The following SORBS2 variants were observed in gnomAD, a reference collection of about 807,000 sequenced individuals.
SORBS2 encodes the protein sorbin and SH3 domain containing 2, also known as sorbin and SH3 domain-containing protein 2.
SORBS2 carries 46 observed loss-of-function variants against 97.7 expected under a neutral mutation model. The ratio of observed to expected loss-of-function variants is 0.47; its 90% confidence interval spans 0.37 to 0.60. SORBS2 has a LOEUF of 0.60. Ranked by LOEUF, SORBS2 falls within the 20% of genes least tolerant of loss-of-function variation. The pLI is 0.00. For missense variants in SORBS2, 1,316 were observed against 1,282.3 expected (o/e 1.03, Z -0.40); for synonymous variants, 476 against 473.4 (o/e 1.01, Z -0.07).
At chr4:185,596,459 C>A (rs2096090694) in intron 12 of SORBS2, among the ~76,000 whole-genome samples, 1 of 151,596 alleles carries the variant, frequency 6.6e-6, no homozygotes. Flanking sequence ...TGCAAACCTG[C>A]AGCTTCCTGG....
At chr4:185,938,072 T>C (rs1383500272) in intron 1 of SORBS2, among the ~76,000 whole-genome samples, 1 of 147,826 alleles carries the variant, frequency 6.8e-6, no homozygotes, top group Non-Finnish European at 1.5e-5. Flanking sequence ...TGCAGTGGCA[T>C]GATCTCGGCC....
chr4:185,636,284 A>T (rs7688977), intron 4 of SORBS2, among the ~76,000 whole-genome samples: 7,223 of 152,290 alleles, frequency 0.047, 583 homozygotes, highest in African/African-American at 0.16. Flanking sequence ...GAGAGAAAAC[A>T]TTCCTCCTAT....
chr4:185,651,659 T>A (rs2097315740), intron 2 of SORBS2, 125 bp downstream of exon 11: 1 of 704,832 alleles, frequency 1.4e-6, no homozygotes, highest in Non-Finnish European at 2.6e-6. Flanking sequence ...AGAAAAGAAA[T>A]CCTCCTCCTA....
intron 1 of SORBS2, among the ~76,000 whole-genome samples, chr4:185,781,192 C>T (rs1026583245): frequency 5.3e-5 from 8 of 152,176 alleles, no homozygotes; most frequent in African/African-American, 1.9e-4. Flanking sequence ...CTGCCTCAGC[C>T]TCCCAAAGTG....
intron 1 of SORBS2, among the ~76,000 whole-genome samples, chr4:185,842,253 G>C (rs2099211979): frequency 6.6e-6 from 1 of 152,186 alleles, no homozygotes; most frequent in Non-Finnish European, 1.5e-5. Flanking sequence ...AATGACCTAA[G>C]TGTCCAAAAA....
chr4:185,747,691 G>T (rs2098771576), intron 2 of SORBS2, among the ~76,000 whole-genome samples: 1 of 152,124 alleles, frequency 6.6e-6, no homozygotes, highest in Non-Finnish European at 1.5e-5. Context: ...ACTACTCCGT[G>T]CCTGGAGCTG....
intron 4 of SORBS2, among the ~76,000 whole-genome samples, chr4:185,673,072 T>C (rs1480031800): frequency 1.3e-5 from 2 of 152,198 alleles, no homozygotes; most frequent in Non-Finnish European, 2.9e-5. Context: ...TGCTGTAACA[T>C]GGAGCAATCT....
intron 1 of SORBS2, among the ~76,000 whole-genome samples, chr4:185,867,680 T>A (rs2099227729): frequency 6.6e-6 from 1 of 152,170 alleles, no homozygotes; most frequent in Non-Finnish European, 1.5e-5. Context: ...TCTATTCCTG[T>A]CATGCAAAGG....
In SORBS2 at chr4:185,615,172, C is replaced by T. The variant is rs750848097; in HGVS notation, c.2352-13G>A. ...AAATGACAACTCCCTGGAAGAGACA[C>T]GTTGACATGGTCTTTTTGTGATGTA... On this transcript the variant is annotated splice_polypyrimidine_tract_variant and intron_variant, in intron 9 of 14. Transcript: ENST00000418609. 9 of 1,462,448 alleles carry T rather than the reference C, an allele frequency of 6.2e-6. No individual in the cohort carries two copies. Among genetic ancestry groups the T allele is most frequent in the Admixed American group, 5.0e-5 (3 of 59,790 alleles). 90.6% of individuals were successfully genotyped at this position (1,462,448 alleles called of 1,614,324 possible). A position where few individuals can be genotyped will look rare whatever the true frequency, so the allele number is the denominator to read the frequency against.
chr4:185,827,923 TCAC>T lies in SORBS2; in HGVS notation c.-337-52560_-337-52558del, dbSNP rs1212774136. ...CATCATCATACCATCATCATCATCA[TCAC>T]CATCATCACCATCATCATCATCATC... On this transcript the variant is annotated intron_variant, in intron 1 of 20. Transcript: ENST00000284776. Among the ~76,000 whole-genome samples, 10 of 130,578 alleles carry T rather than the reference TCAC, an allele frequency of 7.7e-5. No homozygotes were observed. The East Asian group carries it at 1.9e-3, about 25-fold the overall frequency. 85.7% of individuals were successfully genotyped at this position (130,578 alleles called of 152,430 possible).
chr4:185,852,077 C>G (rs1189787344), intron 1 of SORBS2, among the ~76,000 whole-genome samples: 1 of 152,154 alleles, frequency 6.6e-6, no homozygotes, highest in Non-Finnish European at 1.5e-5. Context: ...CAAATCCTTT[C>G]AGGGTACAAT....
At position 185,807,792 on chromosome 4, in the gene SORBS2, A is replaced by G. The variant is rs547688848; in HGVS notation, c.-337-32426T>C. 1.1e-4 allele frequency among the ~76,000 whole-genome samples: 16 copies of G among 152,368 alleles called. 1 individual carries two copies. In the South Asian group the frequency reaches 3.3e-3, roughly 32 times the overall value. On this transcript the variant is annotated intron_variant, in intron 1 of 20. Coordinates refer to the SORBS2 transcript ENST00000284776. ...ACGTGACAGTGGCAGTTTAGGATTTAACAGGCATATCCATAATTAAATTGT... is the reference window on the plus strand; with the variant it reads ...ACGTGACAGTGGCAGTTTAGGATTTGACAGGCATATCCATAATTAAATTGT...
intron 4 of SORBS2, among the ~76,000 whole-genome samples, chr4:185,635,870 T>C (rs1283674207): frequency 6.6e-6 from 1 of 152,076 alleles, no homozygotes; most frequent in Non-Finnish European, 1.5e-5. Flanking sequence ...TTTTATTTTA[T>C]TTTTTTGAGA....
intron 12 of SORBS2, among the ~76,000 whole-genome samples, chr4:185,609,015 A>G (rs138659976): frequency 2.5e-4 from 37 of 150,960 alleles, no homozygotes; most frequent in Admixed American, 2.2e-3. Flanking sequence ...TTTTTAAGTC[A>G]TCTTATCGTG....
chr4:185,678,523 T>C (rs765954746), exon 4 of SORBS2: 1 of 1,547,916 alleles, frequency 6.5e-7, no homozygotes, highest in South Asian at 1.2e-5. Flanking sequence ...TGTCTCCTGA[T>C]TGCCATCATT....
At chr4:185,604,540 G>T (rs972774409) in intron 12 of SORBS2, among the ~76,000 whole-genome samples, 8 of 152,162 alleles carry the variant, frequency 5.3e-5, no homozygotes, top group East Asian at 1.9e-4. Context: ...CTTAAATATC[G>T]AGGAAAGACG....
chr4:185,735,964 A>T (rs2098683446), intron 2 of SORBS2, among the ~76,000 whole-genome samples: 1 of 152,202 alleles, frequency 6.6e-6, no homozygotes. Flanking sequence ...CTCTTTTCCA[A>T]GTTCTTATAT....
chr4:185,614,903 G>C lies in SORBS2; in HGVS notation c.2523C>G (p.Pro841=), dbSNP rs201889866. Residue 841 remains proline (P), a synonymous_variant, in exon 11 of 15, where the codon CCC becomes CCG. Coordinates refer to ENST00000418609, the Ensembl canonical transcript of SORBS2. ...TGGCTATAGCTTCTCCGATTTCTCC[G>C]GGCTGGGCTGGCGGAGGTGGTCTTG... is the stretch of plus-strand genomic sequence containing the variant. 41 of 1,614,092 alleles carry C rather than the reference G, an allele frequency of 2.5e-5. No individual in the cohort carries two copies. The Admixed American group carries it at 6.5e-4, about 26-fold the overall frequency.
intron 2 of SORBS2, among the ~76,000 whole-genome samples, chr4:185,679,468 T>C (rs988985229): frequency 1.3e-5 from 2 of 152,240 alleles, no homozygotes; most frequent in African/African-American, 4.8e-5. Context: ...TTGCTTTTGG[T>C]AAGGCAGTTG....
Sources: allele counts gnomAD v4.1 joint callset (sites outside exome capture counted in the v4.1 genomes callset), GRCh38; gene constraint gnomAD v4.1.1; transcripts MANE v1.5; gene names NCBI Gene and HGNC (gene_info 2026-07-23, HGNC 2026-07-21).